NR2E1: variants seen among roughly 807,000 people sequenced by gnomAD.
The protein encoded by NR2E1 is nuclear receptor subfamily 2 group E member 1.
Under a neutral mutation model 43.6 loss-of-function variants are expected in NR2E1, and 5 were observed. That is an observed-to-expected ratio of 0.11 (90% CI 0.06 to 0.24). The LOEUF (loss-of-function observed/expected upper bound fraction) is 0.24, where lower values mean the gene tolerates loss of function less well. NR2E1 is among the 10% of genes least tolerant of loss of function. NR2E1 has a pLI of 1.00. For missense variants in NR2E1, 287 were observed against 496.7 expected (o/e 0.58, Z 4.01); for synonymous variants, 191 against 195.5 (o/e 0.98, Z 0.19).
chr6:108,187,799 C>T lies in NR2E1; in HGVS notation c.*336C>T, dbSNP rs1178353082. 1 of 352,428 alleles carries T rather than the reference C, an allele frequency of 2.8e-6. No homozygotes were observed. The highest frequency in any genetic ancestry group is 5.5e-6 in the Non-Finnish European group (1 of 182,800). 21.8% of individuals were successfully genotyped at this position (352,428 alleles called of 1,614,324 possible). On this transcript the variant is annotated 3_prime_UTR_variant, in exon 9 of 9. Coordinates refer to ENST00000368986, the MANE Select transcript of NR2E1 (RefSeq NM_003269.5). ...CAGGCTGAACGATCAAAAGCTGAAA[C>T]ATAAGTAGTGCTTTCTCTTCCTTTT... is the stretch of plus-strand genomic sequence containing the variant.
intron 8 of NR2E1, among the ~76,000 whole-genome samples, chr6:108,187,067 T>C (rs1431896912): frequency 6.6e-6 from 1 of 152,172 alleles, no homozygotes; most frequent in Non-Finnish European, 1.5e-5. Flanking sequence ...CATTTGTTAA[T>C]GTAGAGAGGG....
chr6:108,187,633 C>A lies in NR2E1; in HGVS notation c.*170C>A. On this transcript the variant is annotated 3_prime_UTR_variant, in exon 9 of 9. Transcript: ENST00000368986. ...GCATTCCAGTAGCTATGACCTGCCG[C>A]CCTGACCAGGATAGGGCGGGTGGGA... The A allele has an allele frequency of 2.8e-6, 2 of 719,030 alleles. No homozygotes were observed. Among genetic ancestry groups the A allele is most frequent in the Non-Finnish European group, 4.8e-6 (2 of 415,804 alleles). 44.5% of individuals were successfully genotyped at this position (719,030 alleles called of 1,614,324 possible).
At chr6:108,181,861 C>T (rs1198127030) in intron 8 of NR2E1, among the ~76,000 whole-genome samples, 4 of 152,164 alleles carry the variant, frequency 2.6e-5, no homozygotes, top group African/African-American at 9.7e-5. Flanking sequence ...CACTGCCAGA[C>T]ATATTACAGT....
intron 1 of NR2E1, among the ~76,000 whole-genome samples, chr6:108,168,434 G>T (rs1773750086): frequency 6.6e-6 from 1 of 152,236 alleles, no homozygotes; most frequent in African/African-American, 2.4e-5. Flanking sequence ...GGGGTGAGCG[G>T]GGAGCTCTGC....
Position 108,187,375 on chromosome 6 carries a change from C to G in NR2E1, c.1070C>G (p.Thr357Ser). The G allele has an allele frequency of 6.2e-7, 1 of 1,614,160 alleles. No homozygotes were observed. ...LPALRSISPSTIEEVFFKKTI... is the reference protein window; with the variant it reads ...LPALRSISPSSIEEVFFKKTI... ...GCTTTACGTTCTATTAGCCCATCAACTATAGAAGAAGTGTTTTTCAAAAAA... is the reference window on the plus strand; with the variant it reads ...GCTTTACGTTCTATTAGCCCATCAAGTATAGAAGAAGTGTTTTTCAAAAAA... The change falls in exon 9 of 9, where the codon ACT becomes AGT. Residue 357 changes from threonine to serine, a missense_variant. Thr to Ser is a moderately conservative substitution (Grantham distance 58). Coordinates refer to ENST00000368986, the MANE Select transcript of NR2E1 (RefSeq NM_003269.5).
chr6:108,174,529 A>G (rs1266407309), intron 2 of NR2E1, among the ~76,000 whole-genome samples: 1 of 151,960 alleles, frequency 6.6e-6, no homozygotes, highest in African/African-American at 2.4e-5. Flanking sequence ...AGAGCCCCGC[A>G]GGCCTGCGGG....
At chr6:108,178,632 G>A (rs1773939428) in intron 5 of NR2E1, among the ~76,000 whole-genome samples, 1 of 152,182 alleles carries the variant, frequency 6.6e-6, no homozygotes, top group African/African-American at 2.4e-5. Context: ...GGTGGTAAGA[G>A]TATGCCCTCA....
Position 108,166,811 on chromosome 6 carries a change from C to A in NR2E1, c.25+21C>A. 1 of 1,589,198 alleles carries A rather than the reference C, an allele frequency of 6.3e-7. No homozygotes were observed. The highest frequency in any genetic ancestry group is 8.5e-7 in the Non-Finnish European group (1 of 1,171,392). On this transcript the variant is annotated intron_variant, in intron 1 of 8. Transcript: ENST00000368986. The surrounding 1 kb of genome is among the most constrained non-coding windows in gnomAD (Gnocchi z 7.2). ...AACAAGTGGGTACCTCTCGGGCCGC[C>A]GTGGGGCCTAGGCGCGCAGCCTGGG...
Position 108,181,577 on chromosome 6 carries a change from T to C in NR2E1, c.921T>C (p.Ser307=), listed in dbSNP as rs1773986921. Residue 307 remains serine, a synonymous_variant, in exon 8 of 9, where the codon AGT becomes AGC. Transcript: ENST00000368986. The part of the protein sequence containing the change: ...VPTHSGSELR[S]FRNAAAIAAL... ...CACATAGTGGTTCTGAACTGAGAAG[T>C]TTCCGGAATGCTGCCGCCATTGCAG... 6.2e-7 allele frequency: 1 copy of C among 1,614,198 alleles called. No homozygotes were observed.
In NR2E1 at chr6:108,180,760, T is replaced by C. The variant is rs772700281; in HGVS notation, c.740-47T>C. ...TTTGTCAAAAATCAATATTAAATCATGAAAATGCCTTCATATTAGAGTATT... is the reference window on the plus strand; with the variant it reads ...TTTGTCAAAAATCAATATTAAATCACGAAAATGCCTTCATATTAGAGTATT... On this transcript the variant is annotated intron_variant, in intron 6 of 8. Coordinates refer to ENST00000368986, the MANE Select transcript of NR2E1 (RefSeq NM_003269.5). This position sits in a 1 kb window ranked among gnomAD's most constrained non-coding sequence, Gnocchi z 5.4. The C allele has an allele frequency of 6.3e-7, 1 of 1,582,298 alleles. No individual in the cohort carries two copies.
At chr6:108,181,787 T>G in intron 8 of NR2E1, 136 bp downstream of exon 8, 1 of 732,770 alleles carries the variant, frequency 1.4e-6, no homozygotes, top group Non-Finnish European at 2.4e-6. Context: ...GGAGAATCCA[T>G]GTCCTTACCT....
chr6:108,177,686 A>G (rs1773922216), intron 4 of NR2E1, among the ~76,000 whole-genome samples: 1 of 152,244 alleles, frequency 6.6e-6, no homozygotes, highest in Admixed American at 6.5e-5. Flanking sequence ...CTTTCTAAAA[A>G]TACTCATATG....
At position 108,180,182 on chromosome 6, in the gene NR2E1, G is replaced by A. The variant is rs940164186; in HGVS notation, c.643-141G>A. 2.3e-5 allele frequency: 15 copies of A among 646,766 alleles called. No individual in the cohort carries two copies. The highest frequency in any genetic ancestry group is 3.7e-5 in the South Asian group (2 of 53,538). 40.1% of individuals were successfully genotyped at this position (646,766 alleles called of 1,614,324 possible). ...TCAAAAGGAAAATATGGGAAAATAA[G>A]GGAAAGCTAGAATATTCAGAAAAAA... On this transcript the variant is annotated intron_variant, in intron 5 of 8. Coordinates refer to ENST00000368986, the MANE Select transcript of NR2E1 (RefSeq NM_003269.5). The surrounding 1 kb of genome is among the most constrained non-coding windows in gnomAD (Gnocchi z 5.4).
chr6:108,179,716 CATTTT>C (rs932943226), intron 5 of NR2E1, among the ~76,000 whole-genome samples: 4 of 152,016 alleles, frequency 2.6e-5, no homozygotes, highest in Non-Finnish European at 5.9e-5. Flanking sequence ...TTCAGTAGCA[CATTTT>C]ATTAGAATAA....
chr6:108,187,029 CT>C (rs199500648), intron 8 of NR2E1, among the ~76,000 whole-genome samples: 8 of 151,224 alleles, frequency 5.3e-5, no homozygotes, highest in Middle Eastern at 3.4e-3. Context: ...TCTTAAATTT[CT>C]TTTTTTTTCC....
intron 4 of NR2E1, 104 bp from the exon 5 acceptor site, chr6:108,177,991 T>C (rs2114677615): frequency 7.8e-7 from 1 of 1,287,156 alleles, no homozygotes; most frequent in African/African-American, 1.5e-5. Context: ...ATCCAAATTC[T>C]TTTTTATCCC....
chr6:108,188,247 C>G lies in NR2E1; in HGVS notation c.*784C>G, dbSNP rs1774106838. On this transcript the variant is annotated 3_prime_UTR_variant, in exon 9 of 9. Transcript: ENST00000368986. ...GGAGGATGAATAAAAACAGCAAAAC[C>G]AAATAAAGTGGAGATGAGTGATTGA... 1 of 152,004 alleles carries G rather than the reference C, an allele frequency of 6.6e-6. No homozygotes were observed. The highest frequency in any genetic ancestry group is 1.5e-5 in the Non-Finnish European group (1 of 68,050). 9.4% of individuals were successfully genotyped at this position (152,004 alleles called of 1,614,324 possible).
intron 1 of NR2E1, chr6:108,168,106 T>A (rs952705752): frequency 6.2e-7 from 1 of 1,604,696 alleles, no homozygotes; most frequent in South Asian, 1.1e-5. Flanking sequence ...GGCCCAGGAC[T>A]GGGTTTCCCT....
intron 8 of NR2E1, among the ~76,000 whole-genome samples, chr6:108,185,903 G>A (rs1774068923): frequency 6.6e-6 from 1 of 152,108 alleles, no homozygotes; most frequent in African/African-American, 2.4e-5. Flanking sequence ...TTCTCACAGT[G>A]GTTTCTCACC....
Sources: allele counts gnomAD v4.1 joint callset (sites outside exome capture counted in the v4.1 genomes callset), GRCh38; gene constraint gnomAD v4.1.1; non-coding constraint Gnocchi (gnomAD v3.1); transcripts MANE v1.5; gene names NCBI Gene and HGNC (gene_info 2026-07-23, HGNC 2026-07-21).